The following DPP6 variants were observed in gnomAD, a reference collection of about 807,000 sequenced individuals.
The protein encoded by DPP6 is A-type potassium channel modulatory protein DPP6.
Under a neutral mutation model 122.6 loss-of-function variants are expected in DPP6, and 69 were observed. The ratio of observed to expected loss-of-function variants is 0.56; its 90% CI spans 0.46 to 0.69. DPP6 has a LOEUF of 0.69. Among genes scored for constraint, DPP6 ranks in the 30% least tolerant of loss-of-function variants. The pLI, the probability that DPP6 is intolerant of heterozygous loss-of-function variation, is 0.00. For missense variants in DPP6, 928 were observed against 1,116.9 expected (o/e 0.83, Z 2.41); for synonymous variants, 418 against 433.1 (o/e 0.97, Z 0.43).
At chr7:154,289,910 A>G (rs1805096099) in intron 1 of DPP6, among the ~76,000 whole-genome samples, 2 of 152,204 alleles carry the variant, frequency 1.3e-5, no homozygotes, top group African/African-American at 4.8e-5. Context: ...AGGCTAATCA[A>G]ACAAGGAACC....
intron 7 of DPP6, among the ~76,000 whole-genome samples, chr7:154,711,221 G>A (rs1183003764): frequency 1.3e-5 from 2 of 152,120 alleles, no homozygotes; most frequent in African/African-American, 2.4e-5. Flanking sequence ...AACATGTTGG[G>A]TTCACTATGA....
chr7:154,117,737 G>A (rs1229380360), intron 1 of DPP6, among the ~76,000 whole-genome samples: 2 of 151,664 alleles, frequency 1.3e-5, no homozygotes, highest in Non-Finnish European at 2.9e-5. Flanking sequence ...TGCTAAATCT[G>A]ATGTGCCCAG....
Position 154,031,914 on chromosome 7 carries a change from C to T in DPP6, c.51+144180C>T, listed in dbSNP as rs1233353900. Among the ~76,000 whole-genome samples the T allele has an allele frequency of 6.1e-4, 89 of 145,514 alleles. 1 individual carries two copies. Among genetic ancestry groups the T allele is most frequent in the Middle Eastern group, 3.7e-3 (1 of 268 alleles). On this transcript the variant is annotated intron_variant, in intron 1 of 25. Transcript: ENST00000404039. ...TCTCGCTCTGTCACCCAGGCTGGAG[C>T]GCAGTGGCACAATCTCGGCTCACTG...
chr7:154,207,310 G>A (rs1008599834), intron 1 of DPP6, among the ~76,000 whole-genome samples: 2 of 152,114 alleles, frequency 1.3e-5, no homozygotes, highest in Non-Finnish European at 2.9e-5. Flanking sequence ...TGTCCATGTA[G>A]TAAAAAAGTG....
intron 3 of DPP6, 157 bp downstream of exon 3, chr7:154,475,194 C>A: frequency 1.5e-6 from 1 of 672,888 alleles, no homozygotes. Flanking sequence ...GATTATCATT[C>A]TATGAAAATG....
intron 1 of DPP6, among the ~76,000 whole-genome samples, chr7:154,062,016 G>A (rs74190223): frequency 0.31 from 30,636 of 100,038 alleles, 4,697 homozygotes; most frequent in South Asian, 0.39. Flanking sequence ...CCCATCGCAG[G>A]GGGGGGGAGG....
At chr7:154,215,008 G>A (rs4534067) in intron 1 of DPP6, among the ~76,000 whole-genome samples, 132,573 of 152,188 alleles carry the variant, frequency 0.87, 58,052 homozygotes, top group African/African-American at 0.95. Flanking sequence ...TTAGCCCCCC[G>A]GTTGCCTTTC....
intron 16 of DPP6, among the ~76,000 whole-genome samples, chr7:154,839,749 A>G (rs1308982642): frequency 2.0e-5 from 3 of 152,124 alleles, no homozygotes; most frequent in African/African-American, 7.2e-5. Context: ...CAGGCAAAGA[A>G]CAGCACAGCC....
chr7:154,416,462 G>A (rs957675408), intron 1 of DPP6, among the ~76,000 whole-genome samples: 10 of 152,182 alleles, frequency 6.6e-5, no homozygotes, highest in Non-Finnish European at 1.3e-4. Flanking sequence ...GAGAGAGAGA[G>A]AAACCACAGT....
chr7:154,290,749 G>A (rs1214221555), intron 1 of DPP6, among the ~76,000 whole-genome samples: 1 of 151,972 alleles, frequency 6.6e-6, no homozygotes, highest in Non-Finnish European at 1.5e-5. Flanking sequence ...GTGTTCCCGC[G>A]GGGCTTCTTA....
At chr7:154,834,216 C>T (rs1043231449) in intron 16 of DPP6, among the ~76,000 whole-genome samples, 5 of 151,702 alleles carry the variant, frequency 3.3e-5, no homozygotes, top group Admixed American at 3.3e-4. Context: ...TCCTGTAATC[C>T]CAGCACTTTG....
intron 1 of DPP6, among the ~76,000 whole-genome samples, chr7:154,190,349 G>A (rs1452571592): frequency 6.6e-6 from 1 of 152,050 alleles, no homozygotes; most frequent in East Asian, 1.9e-4. Flanking sequence ...GAGGAAAAGA[G>A]AGCGTTTATA....
rs1353084079 is a variant in DPP6 at position 154,603,488 on chromosome 7, G to A, written c.628-34333G>A. ...TCGAGACCAGCCTGGCCAATGTGGT[G>A]AAACCCCATCTCTACTAAAAATACA... On this transcript the variant is annotated intron_variant, in intron 5 of 25. Transcript: ENST00000377770. 2.6e-5 allele frequency among the ~76,000 whole-genome samples: 3 copies of A among 114,720 alleles called. 1 individual carries two copies. Among genetic ancestry groups the A allele is most frequent in the African/African-American group, 5.5e-5 (2 of 36,372 alleles). 75.3% of individuals were successfully genotyped at this position (114,720 alleles called of 152,430 possible). A position where few individuals can be genotyped will look rare whatever the true frequency, so the allele number is the denominator to read the frequency against.
intron 1 of DPP6, among the ~76,000 whole-genome samples, chr7:154,197,094 G>C (rs1798907769): frequency 6.6e-6 from 1 of 151,918 alleles, no homozygotes; most frequent in Non-Finnish European, 1.5e-5. Flanking sequence ...ATACTGCTTT[G>C]TGTATTGAGT....
intron 4 of DPP6, 35 bp from the exon 5 acceptor site, chr7:154,566,807 A>G (rs1325006712): frequency 1.6e-6 from 2 of 1,238,330 alleles, no homozygotes; most frequent in Non-Finnish European, 2.3e-6. Context: ...GTTGTATGTA[A>G]TGCTTTAAAA....
chr7:154,856,617 G>A (rs929899217), intron 17 of DPP6, among the ~76,000 whole-genome samples: 1 of 152,198 alleles, frequency 6.6e-6, no homozygotes, highest in African/African-American at 2.4e-5. Context: ...ACTCTGCTGG[G>A]AAACAAAACA....
intron 1 of DPP6, among the ~76,000 whole-genome samples, chr7:154,335,843 A>G (rs1809367394): frequency 6.6e-6 from 1 of 151,998 alleles, no homozygotes; most frequent in African/African-American, 2.4e-5. Context: ...GGGGCACTCC[A>G]TGGGATATAT....
At chr7:154,761,125 G>A (rs116361029) in intron 8 of DPP6, among the ~76,000 whole-genome samples, 417 of 152,250 alleles carry the variant, frequency 2.7e-3, no homozygotes, top group African/African-American at 9.4e-3. Context: ...GTGAGCCACC[G>A]CACCCAGCTC....
chr7:154,156,944 C>T (rs1271741980), intron 1 of DPP6, among the ~76,000 whole-genome samples: 2 of 152,258 alleles, frequency 1.3e-5, no homozygotes, highest in Non-Finnish European at 2.9e-5. Flanking sequence ...TATATTGGTG[C>T]TATTTTTTGT....
Sources: gnomAD v4.1 joint callset for allele counts (sites outside exome capture counted in the v4.1 genomes callset) on GRCh38, gnomAD v4.1.1 for gene constraint, MANE v1.5 for transcripts, NCBI Gene and HGNC (gene_info 2026-07-23, HGNC 2026-07-21) for gene names.